The following C3orf20 variants were observed in gnomAD, a reference collection of about 807,000 sequenced individuals.
C3orf20 encodes family with sequence similarity 149 member C.
C3orf20 carries 76 observed loss-of-function variants against 88.3 expected under a neutral mutation model. The observed-to-expected ratio is 0.86, with a 90% CI of 0.72 to 1.04. C3orf20 has a LOEUF of 1.04. Among genes scored for constraint, C3orf20 ranks in the 50% least tolerant of loss-of-function variants. The pLI, the probability that C3orf20 is intolerant of heterozygous loss-of-function variation, is 0.00. For synonymous variants in C3orf20, 436 were observed against 437.4 expected (o/e 1.00, Z 0.04); for missense variants, 1,056 against 1,123.3 (o/e 0.94, Z 0.86).
rs138685570 is a variant in C3orf20 at position 14,701,824 on chromosome 3, C to T, written c.746-1306C>T. On this transcript the variant is annotated intron_variant, in intron 5 of 16. Transcript: ENST00000253697. The surrounding 1 kb of genome is among the most constrained non-coding windows in gnomAD (Gnocchi z 4.6). ...TCTCTTTTCCTGGAACCCGGGGAGA[C>T]ATGGCCAGTCTCATCACTTTGCACA... is the stretch of plus-strand genomic sequence containing the variant. Among the ~76,000 whole-genome samples the T allele has an allele frequency of 2.8e-3, 427 of 152,322 alleles. 2 individuals are homozygous for T. Among genetic ancestry groups the T allele is most frequent in the African/African-American group, 1.0e-2 (414 of 41,572 alleles).
chr3:14,726,797 A>G, intron 10 of C3orf20, 104 bp from the exon 11 acceptor site: 3 of 1,520,372 alleles, frequency 2.0e-6, no homozygotes, highest in South Asian at 1.2e-5. Flanking sequence ...GGGGGCAGGC[A>G]ATAGCACATC....
intron 15 of C3orf20, among the ~76,000 whole-genome samples, chr3:14,763,242 G>A (rs186954188): frequency 6.6e-6 from 1 of 152,272 alleles, no homozygotes; most frequent in Admixed American, 6.5e-5. Context: ...TATGGTGCAT[G>A]GGGAGTGAAT....
At position 14,752,825 on chromosome 3, in the gene C3orf20, A is replaced by G. The variant is rs561767636; in HGVS notation, c.1941-4546A>G. ...GCCAGTTAGAATGGTGATCATTAAA[A>G]AGTCAGGAAACGACAGATGCTGGAG... On this transcript the variant is annotated intron_variant, in intron 12 of 16. Coordinates refer to ENST00000253697, the MANE Select transcript of C3orf20 (RefSeq NM_032137.5). Among the ~76,000 whole-genome samples the G allele has an allele frequency of 2.0e-5, 3 of 152,358 alleles. No individual in the cohort carries two copies. The South Asian group carries it at 6.2e-4, about 32-fold the overall frequency.
At chr3:14,739,741 ATCT>A (rs2034844432) in intron 12 of C3orf20, among the ~76,000 whole-genome samples, 1 of 152,234 alleles carries the variant, frequency 6.6e-6, no homozygotes, top group African/African-American at 2.4e-5. Context: ...TCTTAACTAG[ATCT>A]TCTGTATAAC....
At chr3:14,711,894 T>C (rs1427245603) in intron 7 of C3orf20, among the ~76,000 whole-genome samples, 2 of 152,156 alleles carry the variant, frequency 1.3e-5, no homozygotes, top group Non-Finnish European at 2.9e-5. Flanking sequence ...TTACTTCCAC[T>C]TTTTGTGTCT....
intron 10 of C3orf20, among the ~76,000 whole-genome samples, chr3:14,725,098 A>C (rs151012945): frequency 6.6e-6 from 1 of 152,254 alleles, no homozygotes; most frequent in Non-Finnish European, 1.5e-5. Flanking sequence ...TGTACTATGT[A>C]TGACAACATT....
chr3:14,720,319 C>T (rs1480974024), intron 9 of C3orf20, among the ~76,000 whole-genome samples: 4 of 152,258 alleles, frequency 2.6e-5, no homozygotes, highest in East Asian at 3.9e-4. Context: ...TGTGAGCCAC[C>T]GTGCCCGGCA....
chr3:14,682,905 C>G lies in C3orf20; in HGVS notation c.192C>G (p.Ser64=). The change falls in exon 3 of 17, where the codon TCC becomes TCG. Residue 64 remains serine, a synonymous_variant. Coordinates refer to ENST00000253697, the MANE Select transcript of C3orf20 (RefSeq NM_032137.5). ...GTGACCCTTCAGTGCCTACCCCGTC[C>G]GACATCTTGGGCCTGGAGGTCAGCT... The part of the protein sequence containing the change: ...LISDPSVPTP[S]DILGLEVSFG... The G allele has an allele frequency of 6.2e-7, 1 of 1,614,136 alleles. No homozygotes were observed. The highest frequency in any genetic ancestry group is 8.5e-7 in the Non-Finnish European group (1 of 1,180,016).
intron 4 of C3orf20, among the ~76,000 whole-genome samples, chr3:14,687,086 C>T (rs376011983): frequency 2.0e-5 from 3 of 152,062 alleles, no homozygotes; most frequent in South Asian, 2.1e-4. Context: ...AAGGGAAAAC[C>T]GAATACAGGA....
At chr3:14,713,153 C>T (rs762568304) in intron 7 of C3orf20, among the ~76,000 whole-genome samples, 2 of 152,140 alleles carry the variant, frequency 1.3e-5, no homozygotes, top group East Asian at 1.9e-4. Flanking sequence ...ATTTATCCTA[C>T]TTGGAGTTTG....
In C3orf20 at chr3:14,690,006, CA is replaced by C. The variant is rs772253785; in HGVS notation, c.638del (p.Asn213ThrfsTer7). 134 of 1,614,074 alleles carry C rather than the reference CA, an allele frequency of 8.3e-5. No homozygotes were observed. Among genetic ancestry groups the C allele is most frequent in the Non-Finnish European group, 1.1e-4 (124 of 1,180,034 alleles). On this transcript the variant is annotated frameshift_variant, in exon 5 of 17. Transcript: ENST00000253697. LOFTEE classifies it high-confidence loss of function. ...SSGQLWKESL[A>X]NMSAIGVNSP... Reference sequence around the variant, plus strand: ...CTCTCTCCCACTCCAGAGTCCCTCGCAAACATGTCCGCCATTGGGGTGAACT... The same window carrying C: ...CTCTCTCCCACTCCAGAGTCCCTCGCAACATGTCCGCCATTGGGGTGAACT...
chr3:14,700,995 C>G (rs548928045), intron 5 of C3orf20, among the ~76,000 whole-genome samples: 1 of 152,332 alleles, frequency 6.6e-6, no homozygotes, highest in South Asian at 2.1e-4. Context: ...TCCAATGTTA[C>G]AAGAAGAGAA....
chr3:14,714,546 G>A (rs555896778), intron 8 of C3orf20, among the ~76,000 whole-genome samples: 10 of 152,300 alleles, frequency 6.6e-5, no homozygotes, highest in African/African-American at 2.2e-4. Context: ...TAAGAAAAGT[G>A]CATATTCTTG....
At chr3:14,681,294 G>A (rs770910363) in intron 1 of C3orf20, among the ~76,000 whole-genome samples, 6 of 152,236 alleles carry the variant, frequency 3.9e-5, no homozygotes, top group African/African-American at 1.2e-4. Context: ...CTGGAATGGC[G>A]AACTTGGGGT....
In C3orf20 at chr3:14,715,427, AG is replaced by A; in HGVS notation, c.1434+20del. The A allele has an allele frequency of 6.2e-7, 1 of 1,605,562 alleles. No homozygotes were observed. Among genetic ancestry groups the A allele is most frequent in the East Asian group, 2.2e-5 (1 of 44,808 alleles). On this transcript the variant is annotated intron_variant, in intron 9 of 16. Transcript: ENST00000253697. ...AATACAAGGTAGGGATGGGCAGCAC[AG>A]GTTGGGTGGCAGTGAGCACCACTGT...
intron 1 of C3orf20, among the ~76,000 whole-genome samples, 171 bp downstream of exon 1, chr3:14,675,423 G>T (rs1420295017): frequency 6.6e-6 from 1 of 152,168 alleles, no homozygotes; most frequent in Non-Finnish European, 1.5e-5. Context: ...GGGGCGAGAG[G>T]CCAGGAATGA....
intron 15 of C3orf20, chr3:14,764,977 G>C (rs1036878786): frequency 6.6e-6 from 1 of 152,246 alleles, no homozygotes; most frequent in African/African-American, 2.4e-5. Context: ...ATCCACCCCA[G>C]TTCCTCTTCC....
Position 14,734,965 on chromosome 3 carries a change from A to G in C3orf20, c.1940+6277A>G, listed in dbSNP as rs188478102. 4.1e-4 allele frequency among the ~76,000 whole-genome samples: 62 copies of G among 152,028 alleles called. No individual in the cohort carries two copies. The East Asian group carries it at 5.6e-3, about 14-fold the overall frequency. The stretch of plus-strand genomic sequence containing the variant: ...CTTTATCTCTAGAGATGTTTTATGT[A>G]TTACAGCCTGTATTCTCTAGTATTA... On this transcript the variant is annotated intron_variant, in intron 12 of 16. Transcript: ENST00000253697.
rs931721224 is a variant in C3orf20, at chr3:14,683,027, C to A, written c.314C>A (p.Pro105Gln). Reference sequence around the variant, plus strand: ...CCACCACCACCAGCACCACCACGTCCAGTGCTGCTGGCAACCACTGGGGCA... The same window carrying A: ...CCACCACCACCAGCACCACCACGTCAAGTGCTGCTGGCAACCACTGGGGCA... ...LPPPPPAPPR[P>Q]VLLATTGAAK... The change falls in exon 3 of 17, where the codon CCA becomes CAA. Residue 105 changes from proline (P) to glutamine (Q), a missense_variant. By Grantham distance (76) the Pro-to-Gln change is moderately conservative (BLOSUM62 -1). Transcript: ENST00000253697. 4 of 1,612,574 alleles carry A rather than the reference C, an allele frequency of 2.5e-6. No homozygotes were observed. The African/African-American group carries it at 5.3e-5, about 22-fold the overall frequency.
Sources: allele counts gnomAD v4.1 joint callset (sites outside exome capture counted in the v4.1 genomes callset), GRCh38; gene constraint gnomAD v4.1.1; non-coding constraint Gnocchi (gnomAD v3.1); transcripts MANE v1.5; gene names NCBI Gene and HGNC (gene_info 2026-07-23, HGNC 2026-07-21).